Variants in TAB3 observed in about 807,000 individuals in gnomAD.
TAB3 encodes TGF-beta-activated kinase 1 and MAP3K7-binding protein 3.
Under a neutral mutation model 48.1 loss-of-function variants are expected in TAB3, and 18 were observed. The observed-to-expected ratio is 0.37, with a 90% CI of 0.26 to 0.55. The LOEUF (loss-of-function observed/expected upper bound fraction) is 0.55. Ranked by LOEUF, TAB3 falls within the 20% of genes least tolerant of loss-of-function variation. The pLI, the probability that TAB3 is intolerant of heterozygous loss-of-function variation, is 0.78. For synonymous variants in TAB3, 185 were observed against 190.2 expected, an observed-to-expected ratio of 0.97 and a Z score of 0.22; for missense variants, 414 against 549.8, an observed-to-expected ratio of 0.75 and a Z score of 2.47.
chrX:30,855,585 G>A, intron 5 of TAB3, 23 bp from the exon 6 acceptor site: 1 of 1,158,410 alleles, frequency 8.6e-7, no homozygotes, highest in South Asian at 2.1e-5. Flanking sequence ...AATGGTAAAA[G>A]TAACATTGGC....
At chrX:30,868,910 ATTT>A in intron 2 of TAB3, among the ~76,000 whole-genome samples, 1 of 106,610 alleles carries the variant, frequency 9.4e-6, no homozygotes. Flanking sequence ...AAACTTTCTT[ATTT>A]TTTAATTTCT....
chrX:30,839,938 AT>A (rs1569204486), intron 9 of TAB3, among the ~76,000 whole-genome samples: 27 of 65,078 alleles, frequency 4.1e-4, no homozygotes, highest in African/African-American at 1.4e-3. Flanking sequence ...ATATATATAT[AT>A]ATATAATATA....
intron 5 of TAB3, among the ~76,000 whole-genome samples, chrX:30,857,940 T>C (rs1939127241): frequency 9.0e-6 from 1 of 111,706 alleles, no homozygotes; most frequent in South Asian, 3.7e-4. Flanking sequence ...TAAAAAGTGA[T>C]CCTAAATTGA....
intron 1 of TAB3, among the ~76,000 whole-genome samples, chrX:30,883,000 T>C (rs1204733264): frequency 8.9e-6 from 1 of 112,205 alleles, no homozygotes; most frequent in African/African-American, 3.2e-5. Context: ...AATTTGCACC[T>C]CAATTCTGAC....
chrX:30,851,299 C>G (rs1445168972), intron 7 of TAB3, among the ~76,000 whole-genome samples: 1 of 111,924 alleles, frequency 8.9e-6, no homozygotes, highest in East Asian at 2.8e-4. Context: ...AAAGTTCAAG[C>G]ACCTTGACCT....
chrX:30,832,973 C>CTTT (rs771088514), intron 10 of TAB3, among the ~76,000 whole-genome samples: 3 of 97,916 alleles, frequency 3.1e-5, no homozygotes, highest in African/African-American at 1.2e-4. Flanking sequence ...TTCTTTCTTT[C>CTTT]TTTTTTTTTT....
intron 5 of TAB3, 22 bp downstream of exon 5, chrX:30,859,465 C>T (rs998720934): frequency 8.7e-7 from 1 of 1,145,353 alleles, no homozygotes; most frequent in Non-Finnish European, 1.2e-6. Context: ...CTTAATATCA[C>T]TATCACTGGT....
At chrX:30,878,516 A>AAAAAAAAAAAAAAAAG (rs57251085) in intron 1 of TAB3, among the ~76,000 whole-genome samples, 4 of 79,602 alleles carry the variant, frequency 5.0e-5, no homozygotes, top group Non-Finnish European at 9.1e-5. Flanking sequence ...AAAAAAAAAA[A>AAAAAAAAAAAAAAAAG]AAAGAAAGAA....
At chrX:30,848,304 A>C (rs1355642785) in intron 7 of TAB3, among the ~76,000 whole-genome samples, 1 of 112,220 alleles carries the variant, frequency 8.9e-6, no homozygotes, top group East Asian at 2.8e-4. Flanking sequence ...CAGGTGGATC[A>C]CTTGAGGTCA....
At chrX:30,832,042 C>A in intron 10 of TAB3, among the ~76,000 whole-genome samples, 1 of 112,027 alleles carries the variant, frequency 8.9e-6, no homozygotes, top group Non-Finnish European at 1.9e-5. Flanking sequence ...TTAAGCTCTA[C>A]AATATGCATA....
At position 30,854,803 on chromosome X, in the gene TAB3, G is replaced by A; in HGVS notation, c.862C>T (p.Pro288Ser). 1 of 1,211,015 alleles carries A rather than the reference G, an allele frequency of 8.3e-7. No individual in the cohort carries two copies. Among genetic ancestry groups the A allele is most frequent in the Non-Finnish European group, 1.1e-6 (1 of 895,087 alleles). The change falls in exon 6 of 11, where the codon CCT becomes TCT. Residue 288 changes from proline to serine, a missense_variant. By Grantham distance (74) the Pro-to-Ser change is moderately conservative. Transcript: ENST00000288422. ...GGTGGTGAATGGTAAGCAGACTGAG[G>A]GATCTGCTGCTGTTTGGGAGAATAC... ...SQYSPKQQQI[P>S]QSAYHSPPPS...
intron 1 of TAB3, among the ~76,000 whole-genome samples, chrX:30,876,191 G>C (rs1939826080): frequency 8.9e-6 from 1 of 111,807 alleles, no homozygotes; most frequent in East Asian, 2.8e-4. Context: ...GCTGAGATTT[G>C]ATTAAGCAAC....
At chrX:30,879,930 A>G (rs1784104595) in intron 1 of TAB3, among the ~76,000 whole-genome samples, 1 of 112,286 alleles carries the variant, frequency 8.9e-6, no homozygotes, top group African/African-American at 3.2e-5. Context: ...AATAATGGCT[A>G]TAAACATTTA....
Position 30,843,026 on chromosome X carries a change from T to C in TAB3, c.1828A>G (p.Asn610Asp). ...GGTTCTATGTTGTCATAAAAATTAT[T>C]CATGGCTTTTGGATCAAAGTTTCCT... The part of the protein sequence containing the change: ...SRGNFDPKAM[N>D]NFYDNIEPGP... The change falls in exon 9 of 11, where the codon AAT becomes GAT. Residue 610 changes from asparagine (N) to aspartate (D), a missense_variant. Physicochemically the swap from Asn to Asp is conservative, Grantham distance 23. Coordinates refer to ENST00000288422, the MANE Select transcript of TAB3 (RefSeq NM_152787.5). 8.5e-7 allele frequency: 1 copy of C among 1,174,733 alleles called. No individual in the cohort carries two copies. The highest frequency in any genetic ancestry group is 1.1e-6 in the Non-Finnish European group (1 of 871,669).
intron 8 of TAB3, chrX:30,845,782 C>A: frequency 5.1e-6 from 1 of 196,605 alleles, no homozygotes; most frequent in Non-Finnish European, 8.7e-6. Context: ...TTGCCTTTGG[C>A]TTTCATAGAA....
chrX:30,848,913 T>C (rs1171166039), intron 7 of TAB3, among the ~76,000 whole-genome samples: 2 of 107,336 alleles, frequency 1.9e-5, no homozygotes, highest in Non-Finnish European at 3.8e-5. Flanking sequence ...AAAAATGTAA[T>C]TAGAACAGGA....
In TAB3 at chrX:30,831,379, G is replaced by C; in HGVS notation, c.*48C>G. 8.5e-7 allele frequency: 1 copy of C among 1,174,989 alleles called. No individual in the cohort carries two copies. Among genetic ancestry groups the C allele is most frequent in the African/African-American group, 1.8e-5 (1 of 56,831 alleles). On this transcript the variant is annotated 3_prime_UTR_variant, in exon 11 of 11. Coordinates refer to ENST00000288422, the MANE Select transcript of TAB3 (RefSeq NM_152787.5). ...GAGTCCCGAGGTTTCCTTTTCTTCT[G>C]GTAGTGCTCAAAGTTTCACTTTCAA...
At chrX:30,843,130 A>G (rs1601805280) in intron 8 of TAB3, 81 bp from the exon 9 acceptor site, 2 of 526,073 alleles carry the variant, frequency 3.8e-6, no homozygotes, top group South Asian at 7.1e-5. Flanking sequence ...AAATATGTAA[A>G]TAAAACACAT....
intron 2 of TAB3, among the ~76,000 whole-genome samples, chrX:30,868,805 AATTG>A (rs1939581684): frequency 9.4e-6 from 1 of 106,325 alleles, no homozygotes; most frequent in Non-Finnish European, 1.9e-5. Context: ...ACAAGTTTCT[AATTG>A]ATCTCCTGAG....
Sources: allele counts gnomAD v4.1 joint callset (sites outside exome capture counted in the v4.1 genomes callset), GRCh38; gene constraint gnomAD v4.1.1; transcripts MANE v1.5; gene names NCBI Gene and HGNC (gene_info 2026-07-23, HGNC 2026-07-21).